EIF4G3: variants seen among roughly 807,000 people sequenced by gnomAD.
The protein encoded by EIF4G3 is eukaryotic translation initiation factor 4 gamma 3, also known as eIF-4-gamma 3.
In EIF4G3, 34 loss-of-function variants were observed where a neutral mutation model predicts 186.4. That is an observed-to-expected ratio of 0.18 (90% CI 0.14 to 0.24). The LOEUF (loss-of-function observed/expected upper bound fraction) is 0.24. Ranked by LOEUF, EIF4G3 falls within the 10% of genes least tolerant of loss-of-function variation. The pLI, the probability that EIF4G3 is intolerant of heterozygous loss-of-function variation, is 1.00. For missense variants in EIF4G3, 1,536 were observed against 1,948.5 expected (o/e 0.79, Z 3.99); for synonymous variants, 673 against 679.5 (o/e 0.99, Z 0.15).
At chr1:20,927,205 A>G (rs932905260) in intron 14 of EIF4G3, among the ~76,000 whole-genome samples, 4 of 152,142 alleles carry the variant, frequency 2.6e-5, no homozygotes, top group African/African-American at 9.7e-5. Flanking sequence ...CACCACACCC[A>G]GCTAACTGAA....
At chr1:21,111,258 G>A in intron 2 of EIF4G3, 10 of 469,764 alleles carry the variant, frequency 2.1e-5, no homozygotes, top group South Asian at 1.6e-4. Context: ...CTCTACGAAG[G>A]CATAGACTTT....
intron 2 of EIF4G3, among the ~76,000 whole-genome samples, chr1:21,166,367 C>A (rs549922504): frequency 6.6e-6 from 1 of 151,998 alleles, no homozygotes; most frequent in African/African-American, 2.4e-5. Context: ...CAGGTCAAGG[C>A]TACTGTGAGC....
At chr1:20,849,251 T>C (rs1459384220) in intron 29 of EIF4G3, among the ~76,000 whole-genome samples, 164 bp downstream of exon 29, 1 of 152,090 alleles carries the variant, frequency 6.6e-6, no homozygotes, top group African/African-American at 2.4e-5. Flanking sequence ...AGAGAGTACT[T>C]GGCAGAAATG....
chr1:21,062,582 T>C (rs2094977347), intron 3 of EIF4G3, among the ~76,000 whole-genome samples: 1 of 152,060 alleles, frequency 6.6e-6, no homozygotes, highest in Non-Finnish European at 1.5e-5. Context: ...TAGATATAGA[T>C]ACAGATATAG....
chr1:20,914,071 G>A (rs1410103491), intron 14 of EIF4G3, among the ~76,000 whole-genome samples: 1 of 151,170 alleles, frequency 6.6e-6, no homozygotes, highest in African/African-American at 2.4e-5. Context: ...GCCTCCCAAA[G>A]TGCTGGGATT....
intron 6 of EIF4G3, chr1:20,999,838 CT>C: frequency 2.6e-6 from 1 of 378,606 alleles, no homozygotes; most frequent in South Asian, 2.0e-5. Flanking sequence ...ATTTTTCTTT[CT>C]TTTTTCTTTT....
chr1:21,049,541 T>C (rs1368070139), intron 4 of EIF4G3, among the ~76,000 whole-genome samples: 1 of 152,176 alleles, frequency 6.6e-6, no homozygotes, highest in Non-Finnish European at 1.5e-5. Context: ...AGACTAAGTT[T>C]AGGTATAGCA....
chr1:20,809,614 A>C (rs2058827938), intron 36 of EIF4G3, among the ~76,000 whole-genome samples: 1 of 152,234 alleles, frequency 6.6e-6, no homozygotes, highest in Non-Finnish European at 1.5e-5. Flanking sequence ...ACTCCTTAGT[A>C]AATATAGCAT....
chr1:21,008,336 C>CT (rs75927401), intron 4 of EIF4G3, among the ~76,000 whole-genome samples: 25 of 149,582 alleles, frequency 1.7e-4, no homozygotes, highest in Admixed American at 8.7e-4. Flanking sequence ...TTATTTTAAT[C>CT]TTTTTTTTTT....
At chr1:21,021,196 T>A (rs923320058) in intron 4 of EIF4G3, among the ~76,000 whole-genome samples, 1 of 152,136 alleles carries the variant, frequency 6.6e-6, no homozygotes, top group Non-Finnish European at 1.5e-5. Context: ...GTTGGCCAGA[T>A]TGGTCTCAAA....
chr1:20,914,278 T>G (rs1398782246), intron 14 of EIF4G3, among the ~76,000 whole-genome samples: 2 of 152,094 alleles, frequency 1.3e-5, no homozygotes, highest in African/African-American at 4.8e-5. Flanking sequence ...TTTACAAATG[T>G]GATAATAAAG....
chr1:21,031,683 G>C (rs779800098), intron 4 of EIF4G3, among the ~76,000 whole-genome samples: 1 of 152,120 alleles, frequency 6.6e-6, no homozygotes, highest in Non-Finnish European at 1.5e-5. Flanking sequence ...TGTTAGCAGA[G>C]AGAGATTCTA....
chr1:21,080,000 A>C (rs2095716006), intron 3 of EIF4G3, among the ~76,000 whole-genome samples: 1 of 151,232 alleles, frequency 6.6e-6, no homozygotes, highest in Admixed American at 6.6e-5. Flanking sequence ...AAAATATAAA[A>C]ACTAGCCAGG....
chr1:20,979,294 T>C (rs58602043), intron 10 of EIF4G3, among the ~76,000 whole-genome samples: 4,432 of 152,258 alleles, frequency 0.029, 141 homozygotes, highest in East Asian at 0.14. Flanking sequence ...GGCATTTTCA[T>C]TGGAACTAAT....
chr1:21,101,562 G>A (rs1447161273), intron 2 of EIF4G3, among the ~76,000 whole-genome samples: 4 of 35,372 alleles, frequency 1.1e-4, no homozygotes, highest in Non-Finnish European at 2.1e-4. Context: ...AGGGTCTCAG[G>A]AAAAAAAAAA....
intron 20 of EIF4G3, among the ~76,000 whole-genome samples, chr1:20,877,642 A>G (rs1426684596): frequency 6.6e-6 from 1 of 152,210 alleles, no homozygotes; most frequent in Non-Finnish European, 1.5e-5. Context: ...GTTTCAATTT[A>G]TTTAGGGCTT....
chr1:21,128,051 C>T (rs936266618), intron 2 of EIF4G3, among the ~76,000 whole-genome samples: 11 of 151,558 alleles, frequency 7.3e-5, no homozygotes, highest in African/African-American at 2.7e-4. Context: ...AAAAAAAATA[C>T]AAAAAATTAG....
Position 20,855,087 on chromosome 1 carries a change from C to T in EIF4G3, c.3340-16G>A. ...CAATTGTAGGCTGTAACATAAGGGA[C>T]CACAAGTCAATTATAGGAAATATTC... On this transcript the variant is annotated splice_polypyrimidine_tract_variant and intron_variant, in intron 25 of 36. Transcript: ENST00000602326. 6.4e-7 allele frequency: 1 copy of T among 1,563,376 alleles called. No individual in the cohort carries two copies. The highest frequency in any genetic ancestry group is 8.8e-7 in the Non-Finnish European group (1 of 1,139,782).
At chr1:21,112,131 G>A (rs1232411034) in intron 2 of EIF4G3, among the ~76,000 whole-genome samples, 1 of 152,110 alleles carries the variant, frequency 6.6e-6, no homozygotes, top group African/African-American at 2.4e-5. Flanking sequence ...TCCCCTTAAA[G>A]AAGAATGATC....
Sources: allele counts gnomAD v4.1 joint callset (sites outside exome capture counted in the v4.1 genomes callset), GRCh38; gene constraint gnomAD v4.1.1; transcripts MANE v1.5; gene names NCBI Gene and HGNC (gene_info 2026-07-23, HGNC 2026-07-21).